DCDC2C: variants seen among roughly 807,000 people sequenced by gnomAD.
DCDC2C encodes doublecortin domain-containing protein 2C.
A neutral mutation model predicts 45.0 loss-of-function variants in DCDC2C; 44 were observed. The ratio of observed to expected loss-of-function variants is 0.98; its 90% CI spans 0.77 to 1.26. The LOEUF (loss-of-function observed/expected upper bound fraction) is 1.26. Ranked by LOEUF, DCDC2C falls within the 50% of genes most tolerant of loss-of-function variation. DCDC2C has a pLI of 0.00. For missense variants in DCDC2C, 447 were observed against 468.9 expected (o/e 0.95, Z 0.43); for synonymous variants, 187 against 178.8 (o/e 1.05, Z -0.37).
intron 9 of DCDC2C, 36 bp from the exon 10 acceptor site, chr2:3,785,023 C>A (rs78514286): frequency 2.5e-6 from 3 of 1,221,652 alleles, no homozygotes; most frequent in Non-Finnish European, 3.1e-6. Flanking sequence ...ATCCTTCTTG[C>A]GATAGTTGAT....
At chr2:3,751,242 C>T (rs1669533440) in intron 4 of DCDC2C, among the ~76,000 whole-genome samples, 1 of 152,220 alleles carries the variant, frequency 6.6e-6, no homozygotes, top group Non-Finnish European at 1.5e-5. Flanking sequence ...GTCAGTCCCC[C>T]ACTTCCCTAG....
chr2:3,787,066 A>G (rs1375828161), intron 10 of DCDC2C, among the ~76,000 whole-genome samples: 1 of 152,202 alleles, frequency 6.6e-6, no homozygotes, highest in African/African-American at 2.4e-5. Flanking sequence ...GTTATGTGGC[A>G]TTCCATCCTC....
At chr2:3,709,958 G>A (rs774067320) in intron 2 of DCDC2C, among the ~76,000 whole-genome samples, 3 of 152,130 alleles carry the variant, frequency 2.0e-5, no homozygotes, top group Non-Finnish European at 2.9e-5. Flanking sequence ...CACCCGCGCT[G>A]GCCTTGTCCT....
chr2:3,770,405 A>G (rs1159903674), intron 8 of DCDC2C, among the ~76,000 whole-genome samples: 1 of 152,214 alleles, frequency 6.6e-6, no homozygotes, highest in Admixed American at 6.5e-5. Flanking sequence ...TTTGAAAAAT[A>G]TTACAGACTG....
intron 10 of DCDC2C, among the ~76,000 whole-genome samples, chr2:3,820,811 A>G (rs1270931584): frequency 6.6e-6 from 1 of 152,166 alleles, no homozygotes; most frequent in Non-Finnish European, 1.5e-5. Context: ...TGCTTACCTC[A>G]TTTGAAATTG....
intron 7 of DCDC2C, among the ~76,000 whole-genome samples, chr2:3,768,459 G>A (rs1356827584): frequency 6.6e-6 from 1 of 152,232 alleles, no homozygotes; most frequent in Non-Finnish European, 1.5e-5. Context: ...GAGTGGTGTG[G>A]CTGGTTATGG....
chr2:3,835,502 G>C (rs563859921), intron 10 of DCDC2C, among the ~76,000 whole-genome samples: 1 of 152,256 alleles, frequency 6.6e-6, no homozygotes, highest in Admixed American at 6.5e-5. Context: ...AGATGGGAGC[G>C]TGACTCTCAC....
intron 10 of DCDC2C, among the ~76,000 whole-genome samples, chr2:3,786,689 T>C (rs1010065517): frequency 7.3e-5 from 11 of 150,978 alleles, no homozygotes; most frequent in Middle Eastern, 3.2e-3. Flanking sequence ...GCACGGAGCC[T>C]CCGGTGCGGG....
chr2:3,776,055 TAGA>T (rs1002087889), intron 8 of DCDC2C, among the ~76,000 whole-genome samples: 7 of 152,216 alleles, frequency 4.6e-5, no homozygotes, highest in African/African-American at 1.7e-4. Context: ...TTCTTCATCA[TAGA>T]AGGAGAGGTC....
rs530404743 is a variant in DCDC2C at position 3,792,315 on chromosome 2, C to A, written c.1065+7215C>A. ...GAGCTGTGCATCCAGCCCCTGGTGT[C>A]TGGGGCTTCAGATTCCATTTCTGTT... On this transcript the variant is annotated intron_variant, in intron 10 of 10. Coordinates refer to ENST00000399143, the MANE Select transcript of DCDC2C (RefSeq NM_001287444.2). Among the ~76,000 whole-genome samples, 5 of 152,318 alleles carry A rather than the reference C, an allele frequency of 3.3e-5. No individual in the cohort carries two copies. In the South Asian group the frequency reaches 1.0e-3, roughly 32 times the overall value.
intron 10 of DCDC2C, among the ~76,000 whole-genome samples, chr2:3,834,591 C>T (rs1287849055): frequency 6.6e-6 from 1 of 152,198 alleles, no homozygotes; most frequent in Non-Finnish European, 1.5e-5. Context: ...ACTTGCATTG[C>T]ACATGAGGGA....
At chr2:3,787,680 T>C (rs1336245775) in intron 10 of DCDC2C, among the ~76,000 whole-genome samples, 1 of 152,220 alleles carries the variant, frequency 6.6e-6, no homozygotes, top group East Asian at 1.9e-4. Context: ...TGTAGACTTA[T>C]TAGAAAATGC....
At chr2:3,783,630 G>A (rs73146819) in intron 9 of DCDC2C, among the ~76,000 whole-genome samples, 5,004 of 152,300 alleles carry the variant, frequency 0.033, 282 homozygotes, top group African/African-American at 0.11. Context: ...TTGCACACAG[G>A]AGTAACTGAT....
intron 8 of DCDC2C, among the ~76,000 whole-genome samples, chr2:3,769,903 G>A (rs1321437612): frequency 6.6e-6 from 1 of 152,216 alleles, no homozygotes; most frequent in Non-Finnish European, 1.5e-5. Context: ...TGCTGCCTCT[G>A]TGCAGGTCTG....
rs1332080473 is a variant in DCDC2C at position 3,812,154 on chromosome 2, A to G, written c.1065+27054A>G. On this transcript the variant is annotated intron_variant, in intron 10 of 10. Transcript: ENST00000399143. ...TTGGAGTAGTTTCAGAAAGAATGGT[A>G]CCAGCTCCTCTTTGTATTTCTGGTT... is the stretch of plus-strand genomic sequence containing the variant. Among the ~76,000 whole-genome samples the G allele has an allele frequency of 2.0e-5, 3 of 151,312 alleles. No individual in the cohort carries two copies. The South Asian group carries it at 6.2e-4, about 31-fold the overall frequency.
chr2:3,788,338 C>T (rs1333073399), intron 10 of DCDC2C: 2 of 152,128 alleles, frequency 1.3e-5, no homozygotes, highest in Admixed American at 1.3e-4. Context: ...AAATATAACA[C>T]CCACAAAGAG....
At position 3,847,439 on chromosome 2, in the gene DCDC2C, A is replaced by C; in HGVS notation, c.*256A>C. On this transcript the variant is annotated 3_prime_UTR_variant, in exon 11 of 11. Coordinates refer to ENST00000399143, the MANE Select transcript of DCDC2C (RefSeq NM_001287444.2). The stretch of plus-strand genomic sequence containing the variant: ...TGGTTCTTTATCATTAAGCCCCCAA[A>C]AGATCATTCAGAAAGTGAGAAGAAT... The C allele has an allele frequency of 6.5e-6, 2 of 309,348 alleles. No individual in the cohort carries two copies. Among genetic ancestry groups the C allele is most frequent in the African/African-American group, 2.1e-5 (1 of 46,754 alleles). The allele number at this position is 309,348 out of a possible 1,614,324, so 19.2% of individuals were successfully genotyped here. A position where few individuals can be genotyped will look rare whatever the true frequency, so the allele number is the denominator to read the frequency against.
intron 2 of DCDC2C, among the ~76,000 whole-genome samples, chr2:3,723,785 G>T (rs780755725): frequency 6.6e-6 from 1 of 152,130 alleles, no homozygotes; most frequent in Non-Finnish European, 1.5e-5. Context: ...AGGATGAGAA[G>T]ACTCAAGAAC....
chr2:3,714,998 A>G lies in DCDC2C; in HGVS notation c.339+6398A>G, dbSNP rs568460482. Among the ~76,000 whole-genome samples, 96 of 152,362 alleles carry G rather than the reference A, an allele frequency of 6.3e-4. 1 individual carries two copies. Among genetic ancestry groups the G allele is most frequent in the Middle Eastern group, 3.4e-3 (1 of 294 alleles). ...TAATTTAAAAGAAAAACATATTCAT[A>G]ATCCTATCATTCAGAGATTAACCAC... On this transcript the variant is annotated intron_variant, in intron 2 of 10. Coordinates refer to ENST00000399143, the MANE Select transcript of DCDC2C (RefSeq NM_001287444.2).
Sources: gnomAD v4.1 joint callset for allele counts (sites outside exome capture counted in the v4.1 genomes callset) on GRCh38, gnomAD v4.1.1 for gene constraint, MANE v1.5 for transcripts, NCBI Gene and HGNC (gene_info 2026-07-23, HGNC 2026-07-21) for gene names.